GALNTL6: variants seen among roughly 807,000 people sequenced by gnomAD.
GALNTL6 encodes polypeptide N-acetylgalactosaminyltransferase like 6.
In GALNTL6, 46 loss-of-function variants were observed where a neutral mutation model predicts 73.7. The observed-to-expected ratio is 0.62, with a 90% confidence interval of 0.49 to 0.80. The LOEUF (loss-of-function observed/expected upper bound fraction) is 0.80, where lower values mean the gene tolerates loss of function less well. GALNTL6 is among the 30% of genes least tolerant of loss of function. The pLI, the probability that GALNTL6 is intolerant of heterozygous loss-of-function variation, is 0.00. For synonymous variants in GALNTL6, 259 were observed against 263.7 expected (o/e 0.98, Z 0.17); for missense variants, 604 against 755.0 (o/e 0.80, Z 2.34).
chr4:172,187,188 T>TA (rs1171887454), intron 2 of GALNTL6, among the ~76,000 whole-genome samples: 1 of 152,150 alleles, frequency 6.6e-6, no homozygotes, highest in East Asian at 1.9e-4. Context: ...ATGATATTTA[T>TA]ATATTTCTAT....
intron 2 of GALNTL6, among the ~76,000 whole-genome samples, chr4:171,942,703 G>A (rs1055549792): frequency 3.9e-5 from 6 of 152,220 alleles, no homozygotes; most frequent in Non-Finnish European, 5.9e-5. Flanking sequence ...CTGTAGGCAA[G>A]CCATCTGAGA....
intron 3 of GALNTL6, among the ~76,000 whole-genome samples, chr4:172,262,659 T>C (rs1304030362): frequency 1.3e-5 from 2 of 151,364 alleles, no homozygotes; most frequent in African/African-American, 4.8e-5. Context: ...TGTTCTATTA[T>C]CATGCCAAAT....
At chr4:171,863,058 G>A (rs1735877842) in intron 2 of GALNTL6, among the ~76,000 whole-genome samples, 1 of 152,150 alleles carries the variant, frequency 6.6e-6, no homozygotes, top group Admixed American at 6.5e-5. Context: ...TTGTATGTAG[G>A]AAAGTTAGGT....
chr4:172,694,951 T>C (rs946687902), intron 5 of GALNTL6, among the ~76,000 whole-genome samples: 5 of 152,364 alleles, frequency 3.3e-5, no homozygotes, highest in African/African-American at 1.2e-4. Flanking sequence ...TACTATGATA[T>C]AGTGGAAAGA....
At chr4:173,030,560 C>T (rs1561096703) in intron 12 of GALNTL6, among the ~76,000 whole-genome samples, 2 of 152,076 alleles carry the variant, frequency 1.3e-5, no homozygotes. Context: ...TTAATAGGAA[C>T]TATGAAAAAA....
chr4:172,603,790 G>T (rs982938938), intron 5 of GALNTL6, among the ~76,000 whole-genome samples: 3 of 152,040 alleles, frequency 2.0e-5, no homozygotes, highest in Non-Finnish European at 4.4e-5. Flanking sequence ...AATCTTAGTG[G>T]CATGACTCAT....
At chr4:172,029,768 A>G (rs374602599) in intron 2 of GALNTL6, among the ~76,000 whole-genome samples, 3 of 152,170 alleles carry the variant, frequency 2.0e-5, no homozygotes, top group Admixed American at 2.0e-4. Context: ...TCAAACAATT[A>G]TAAGTGATTT....
chr4:173,000,902 T>G (rs1752017347), intron 10 of GALNTL6, among the ~76,000 whole-genome samples: 1 of 152,224 alleles, frequency 6.6e-6, no homozygotes, highest in African/African-American at 2.4e-5. Flanking sequence ...GTTGAAATCC[T>G]AATCCTTGGT....
intron 8 of GALNTL6, among the ~76,000 whole-genome samples, chr4:172,906,968 CA>C (rs1173672841): frequency 6.6e-6 from 1 of 152,168 alleles, no homozygotes; most frequent in African/African-American, 2.4e-5. Flanking sequence ...CATCTAATCA[CA>C]GGTTTGAAAT....
At chr4:172,641,880 G>A (rs1055020013) in intron 5 of GALNTL6, among the ~76,000 whole-genome samples, 1 of 151,758 alleles carries the variant, frequency 6.6e-6, no homozygotes, top group Non-Finnish European at 1.5e-5. Flanking sequence ...TCTTTAAATA[G>A]CAAGAAAACA....
At chr4:171,922,737 A>C (rs1737830762) in intron 2 of GALNTL6, among the ~76,000 whole-genome samples, 1 of 152,102 alleles carries the variant, frequency 6.6e-6, no homozygotes. Flanking sequence ...TGTTTATTTA[A>C]TATTGTTTTT....
chr4:172,270,127 A>G (rs372381925), intron 3 of GALNTL6, among the ~76,000 whole-genome samples: 1 of 151,908 alleles, frequency 6.6e-6, no homozygotes, highest in Non-Finnish European at 1.5e-5. Context: ...TTTTCTATCC[A>G]TATTAGCTTC....
chr4:171,981,358 T>C (rs924421455), intron 2 of GALNTL6, among the ~76,000 whole-genome samples: 6 of 152,176 alleles, frequency 3.9e-5, no homozygotes, highest in Non-Finnish European at 8.8e-5. Context: ...GGAATGTGCA[T>C]TTGTCTCAGG....
At chr4:172,398,134 T>G (rs542957303) in intron 5 of GALNTL6, among the ~76,000 whole-genome samples, 1 of 152,290 alleles carries the variant, frequency 6.6e-6, no homozygotes, top group South Asian at 2.1e-4. Context: ...TAATTTCACA[T>G]TAACAAAATT....
chr4:172,112,548 G>A (rs749931901), intron 2 of GALNTL6, among the ~76,000 whole-genome samples: 4 of 151,946 alleles, frequency 2.6e-5, no homozygotes, highest in Non-Finnish European at 5.9e-5. Flanking sequence ...CCACATTCTT[G>A]TCAGCATTTG....
intron 4 of GALNTL6, among the ~76,000 whole-genome samples, chr4:172,334,231 T>G (rs908637091): frequency 2.0e-5 from 3 of 152,198 alleles, no homozygotes; most frequent in African/African-American, 7.2e-5. Context: ...TTTGGCTATT[T>G]GGGCTCTCTT....
intron 3 of GALNTL6, among the ~76,000 whole-genome samples, chr4:172,268,447 G>A (rs889960534): frequency 6.6e-6 from 1 of 152,194 alleles, no homozygotes; most frequent in Non-Finnish European, 1.5e-5. Context: ...CTAAAGCAAG[G>A]GAATTGGGCT....
chr4:172,041,315 G>A (rs1742080663), intron 2 of GALNTL6, among the ~76,000 whole-genome samples: 1 of 151,986 alleles, frequency 6.6e-6, no homozygotes, highest in African/African-American at 2.4e-5. Context: ...TCATCTTATT[G>A]CTGAGTGTTT....
In GALNTL6 at chr4:172,445,812, T is replaced by C. The variant is rs552260613; in HGVS notation, c.553+97123T>C. The stretch of plus-strand genomic sequence containing the variant: ...CCTCCTTTGTTATTCATTGAGAAGA[T>C]GGTGAATAAATTTTTTGTCAGAAAA... On this transcript the variant is annotated intron_variant, in intron 5 of 12. Transcript: ENST00000506823. 2.0e-4 allele frequency among the ~76,000 whole-genome samples: 31 copies of C among 152,270 alleles called. No individual in the cohort carries two copies. In the South Asian group the frequency reaches 6.0e-3, roughly 30 times the overall value.
Sources: gnomAD v4.1 joint callset for allele counts (sites outside exome capture counted in the v4.1 genomes callset) on GRCh38, gnomAD v4.1.1 for gene constraint, MANE v1.5 for transcripts, NCBI Gene and HGNC (gene_info 2026-07-23, HGNC 2026-07-21) for gene names.